TBCK: variants seen among roughly 807,000 people sequenced by gnomAD.
The protein encoded by TBCK is TBC domain-containing protein kinase-like protein.
TBCK carries 99 observed loss-of-function variants against 113.4 expected under a neutral mutation model. The ratio of observed to expected loss-of-function variants is 0.87; its 90% CI spans 0.74 to 1.03. The LOEUF (loss-of-function observed/expected upper bound fraction) is 1.03. TBCK is among the 50% of genes least tolerant of loss of function. The pLI is 0.00. For missense variants in TBCK, 1,045 were observed against 1,061.3 expected (o/e 0.98, Z 0.21); for synonymous variants, 369 against 370.8 (o/e 1.00, Z 0.05).
At chr4:106,061,267 C>T (rs543899534) in intron 25 of TBCK, among the ~76,000 whole-genome samples, 2 of 151,724 alleles carry the variant, frequency 1.3e-5, no homozygotes, top group Admixed American at 6.6e-5. Context: ...ATACGGCAAA[C>T]GTCATTGTTG....
At chr4:106,208,263 T>A (rs1233692156) in intron 20 of TBCK, among the ~76,000 whole-genome samples, 1 of 152,084 alleles carries the variant, frequency 6.6e-6, no homozygotes, top group African/African-American at 2.4e-5. Flanking sequence ...AAGATACAGG[T>A]CTCATACATA....
intron 23 of TBCK, among the ~76,000 whole-genome samples, chr4:106,146,809 A>T (rs181551993): frequency 3.2e-3 from 487 of 152,300 alleles, no homozygotes; most frequent in Middle Eastern, 6.8e-3. Flanking sequence ...TTCCTTTCAC[A>T]AAAGATTTCT....
At chr4:106,238,702 G>C (rs1207746424) in intron 12 of TBCK, 1 of 152,062 alleles carries the variant, frequency 6.6e-6, no homozygotes, top group Non-Finnish European at 1.5e-5. Flanking sequence ...CCTCTAACAA[G>C]AAAAATGCTG....
intron 20 of TBCK, among the ~76,000 whole-genome samples, chr4:106,202,961 T>A (rs891267811): frequency 1.4e-4 from 21 of 152,212 alleles, no homozygotes; most frequent in Admixed American, 2.0e-4. Flanking sequence ...GTGTATGTGT[T>A]TGCAATGTAA....
chr4:106,233,500 A>T (rs1395712844), intron 16 of TBCK, 88 bp downstream of exon 16: 1 of 993,614 alleles, frequency 1.0e-6, no homozygotes, highest in Admixed American at 1.9e-5. Context: ...TGTATTCATG[A>T]GAGAAAGAGG....
At chr4:106,061,468 T>G (rs368283117) in intron 25 of TBCK, among the ~76,000 whole-genome samples, 12 of 150,782 alleles carry the variant, frequency 8.0e-5, no homozygotes, top group African/African-American at 2.9e-4. Context: ...AATAAAGCAT[T>G]TTTTGATTAA....
chr4:106,106,906 T>C (rs1240134202), intron 24 of TBCK, among the ~76,000 whole-genome samples: 2 of 151,752 alleles, frequency 1.3e-5, no homozygotes, highest in African/African-American at 4.8e-5. Flanking sequence ...TCACACATAA[T>C]GACACACTTA....
chr4:106,127,867 C>CA (rs918540115), intron 23 of TBCK, among the ~76,000 whole-genome samples: 19 of 151,354 alleles, frequency 1.3e-4, no homozygotes, highest in South Asian at 2.1e-4. Flanking sequence ...TGCTCAAAGG[C>CA]AAAAAAAATT....
chr4:106,146,260 C>T (rs1329823699), intron 23 of TBCK, among the ~76,000 whole-genome samples: 1 of 152,078 alleles, frequency 6.6e-6, no homozygotes, highest in Non-Finnish European at 1.5e-5. Flanking sequence ...GAATACTATG[C>T]AGCCACAAAA....
chr4:106,049,001 T>C, intron 25 of TBCK, among the ~76,000 whole-genome samples: 1 of 152,122 alleles, frequency 6.6e-6, no homozygotes, highest in Non-Finnish European at 1.5e-5. Flanking sequence ...AGGCTGTGTT[T>C]AAGAAAAAGA....
chr4:106,219,778 A>T lies in TBCK; in HGVS notation c.1775-6943T>A, dbSNP rs145788629. ...GGTCTCAAACTCCTGGGCTCAAGCA[A>T]TCCTCCTGTATTGGCCACCCAAAGT... On this transcript the variant is annotated intron_variant, in intron 19 of 25. Transcript: ENST00000394708. 1.7e-3 allele frequency among the ~76,000 whole-genome samples: 260 copies of T among 152,176 alleles called. 2 individuals carry two copies. The highest frequency in any genetic ancestry group is 3.2e-3 in the Admixed American group (49 of 15,286).
At chr4:106,252,452 C>T (rs1421230262) in intron 5 of TBCK, among the ~76,000 whole-genome samples, 1 of 152,038 alleles carries the variant, frequency 6.6e-6, no homozygotes, top group Non-Finnish European at 1.5e-5. Flanking sequence ...TATCTCTACA[C>T]CCCTGTCATC....
intron 3 of TBCK, among the ~76,000 whole-genome samples, chr4:106,287,662 G>A (rs567523957): frequency 3.3e-5 from 5 of 152,322 alleles, no homozygotes; most frequent in African/African-American, 1.2e-4. Flanking sequence ...CAACCACCAT[G>A]CTTTGAGCAT....
At chr4:106,212,312 A>G (rs1756243083) in intron 20 of TBCK, among the ~76,000 whole-genome samples, 1 of 152,160 alleles carries the variant, frequency 6.6e-6, no homozygotes, top group African/African-American at 2.4e-5. Context: ...CTAACGTTTG[A>G]TTTTCAACTC....
chr4:106,140,833 A>C lies in TBCK; in HGVS notation c.2236-24455T>G, dbSNP rs1215448848. Among the ~76,000 whole-genome samples, 2 of 139,730 alleles carry C rather than the reference A, an allele frequency of 1.4e-5. 1 individual carries two copies. Among genetic ancestry groups the C allele is most frequent in the Non-Finnish European group, 3.2e-5 (2 of 61,636 alleles). 91.7% of individuals were successfully genotyped at this position (139,730 alleles called of 152,430 possible). Reference sequence around the variant, plus strand: ...TAAATATACCCTTGACTTAAACCGAAAGTTTGGTAGTTTCTGATAGGATCA... The same window carrying C: ...TAAATATACCCTTGACTTAAACCGACAGTTTGGTAGTTTCTGATAGGATCA... On this transcript the variant is annotated intron_variant, in intron 23 of 25. Transcript: ENST00000394708.
intron 5 of TBCK, among the ~76,000 whole-genome samples, chr4:106,257,766 T>C (rs1762143294): frequency 6.6e-6 from 1 of 152,114 alleles, no homozygotes; most frequent in African/African-American, 2.4e-5. Context: ...CTACCACATA[T>C]TCTATATGTG....
At chr4:106,269,719 AT>A (rs1245553350) in intron 3 of TBCK, among the ~76,000 whole-genome samples, 1 of 152,158 alleles carries the variant, frequency 6.6e-6, no homozygotes, top group Non-Finnish European at 1.5e-5. Flanking sequence ...ATATTTTACA[AT>A]TTAGCTTTAA....
intron 19 of TBCK, among the ~76,000 whole-genome samples, chr4:106,226,069 T>C (rs1268364454): frequency 6.6e-6 from 1 of 151,816 alleles, no homozygotes; most frequent in Non-Finnish European, 1.5e-5. Flanking sequence ...GAGGCTGAGG[T>C]GGAAGGGTGG....
intron 25 of TBCK, among the ~76,000 whole-genome samples, chr4:106,069,495 T>C (rs1737101038): frequency 1.3e-5 from 2 of 152,202 alleles, no homozygotes; most frequent in Non-Finnish European, 1.5e-5. Flanking sequence ...TTCTGTTCTG[T>C]TAGTCTATAT....
Sources: gnomAD v4.1 joint callset for allele counts (sites outside exome capture counted in the v4.1 genomes callset) on GRCh38, gnomAD v4.1.1 for gene constraint, MANE v1.5 for transcripts, NCBI Gene and HGNC (gene_info 2026-07-23, HGNC 2026-07-21) for gene names.